Variants in PCGF5 observed in about 807,000 individuals in gnomAD.
The protein encoded by PCGF5 is polycomb group ring finger 5.
PCGF5 carries 9 observed loss-of-function variants against 44.3 expected under a neutral mutation model. The observed-to-expected ratio is 0.20, with a 90% CI of 0.12 to 0.35. The LOEUF is 0.35. PCGF5 is among the 10% of genes least tolerant of loss of function. The probability of loss-of-function intolerance (pLI) is 1.00; values close to 1 mark genes in which losing one functional copy is unlikely to be tolerated. For missense variants in PCGF5, 146 were observed against 305.3 expected (o/e 0.48, Z 3.89); for synonymous variants, 95 against 102.5 (o/e 0.93, Z 0.44).
upstream of PCGF5, among the ~76,000 whole-genome samples, chr10:91,219,090 C>G (rs577948058): frequency 5.3e-5 from 8 of 152,152 alleles, no homozygotes; most frequent in Non-Finnish European, 1.2e-4. Context: ...TGCTGCCTCT[C>G]CAGACACAAA....
intron 6 of PCGF5, among the ~76,000 whole-genome samples, chr10:91,258,399 A>G (rs1845811014): frequency 6.6e-6 from 1 of 152,130 alleles, no homozygotes; most frequent in Non-Finnish European, 1.5e-5. Context: ...TGGGACCAGA[A>G]GTTTTTTGGG....
At chr10:91,262,073 C>T (rs1439974364) in intron 7 of PCGF5, among the ~76,000 whole-genome samples, 1 of 152,190 alleles carries the variant, frequency 6.6e-6, no homozygotes, top group East Asian at 1.9e-4. Context: ...AAATGATGAT[C>T]TTTCAACTCA....
intron 3 of PCGF5, among the ~76,000 whole-genome samples, chr10:91,241,107 T>C (rs746813802): frequency 2.1e-4 from 32 of 151,354 alleles, no homozygotes; most frequent in Non-Finnish European, 4.0e-4. Context: ...GGAGTTTTAC[T>C]CTTGTTGCCC....
At chr10:91,258,525 G>A (rs1845814563) in intron 6 of PCGF5, among the ~76,000 whole-genome samples, 2 of 152,062 alleles carry the variant, frequency 1.3e-5, no homozygotes, top group Admixed American at 1.3e-4. Flanking sequence ...TCAGACTGGG[G>A]ATGATCAACC....
intron 9 of PCGF5, among the ~76,000 whole-genome samples, chr10:91,277,478 G>A (rs1846346385): frequency 6.6e-6 from 1 of 152,186 alleles, no homozygotes. Flanking sequence ...ATGGTACAGG[G>A]TAAAAACAAA....
chr10:91,246,735 A>G lies in PCGF5; in HGVS notation c.210-1770A>G, dbSNP rs757515605. ...AAAGAGAGAAGTTAAGATCATTCTC[A>G]TATTTTGAGCTGATTTGGAAAAATT... is the stretch of plus-strand genomic sequence containing the variant. On this transcript the variant is annotated intron_variant, in intron 3 of 9. Coordinates refer to ENST00000336126, the MANE Select transcript of PCGF5 (RefSeq NM_032373.5). 1.4e-3 allele frequency among the ~76,000 whole-genome samples: 220 copies of G among 152,092 alleles called. 5 individuals are homozygous for G. The highest frequency in any genetic ancestry group is 8.5e-4 in the Admixed American group (13 of 15,248).
At chr10:91,264,723 G>A (rs1394594457) in intron 8 of PCGF5, among the ~76,000 whole-genome samples, 1 of 152,102 alleles carries the variant, frequency 6.6e-6, no homozygotes, top group Non-Finnish European at 1.5e-5. Flanking sequence ...GATTGTATTA[G>A]ATTTAAAGTG....
At position 91,195,134 on chromosome 10, in the gene PCGF5, C is replaced by T. The variant is rs374791823; in HGVS notation, c.-183-27555C>T. 7.2e-5 allele frequency among the ~76,000 whole-genome samples: 11 copies of T among 151,922 alleles called. No individual in the cohort carries two copies. The East Asian group carries it at 1.5e-3, about 21-fold the overall frequency. On this transcript the variant is annotated intron_variant, in intron 1 of 9. Transcript: ENST00000614189. ...AGAGAAAAGATGAGAAATAGTCCAT[C>T]GGGAAATTGGGAGATTAGTAGAAGA... is the stretch of plus-strand genomic sequence containing the variant.
chr10:91,218,183 G>A (rs1055182323), upstream of PCGF5, among the ~76,000 whole-genome samples: 1 of 152,330 alleles, frequency 6.6e-6, no homozygotes, highest in South Asian at 2.1e-4. Context: ...CTTTGTTTTT[G>A]TCTTGGCTCT....
intron 1 of PCGF5, among the ~76,000 whole-genome samples, chr10:91,183,722 T>C (rs77724997): frequency 6.6e-6 from 1 of 152,334 alleles, no homozygotes; most frequent in South Asian, 2.1e-4. Flanking sequence ...CTTTGCCATA[T>C]GTAGTGTGTC....
intron 2 of PCGF5, 29 bp from the exon 3 acceptor site, chr10:91,240,455 T>C: frequency 1.3e-6 from 2 of 1,509,580 alleles, no homozygotes; most frequent in Non-Finnish European, 1.8e-6. Flanking sequence ...ATATGATGCG[T>C]TTTAACCTAA....
chr10:91,270,272 A>T (rs1292346727), intron 8 of PCGF5, among the ~76,000 whole-genome samples: 1 of 152,070 alleles, frequency 6.6e-6, no homozygotes, highest in Non-Finnish European at 1.5e-5. Flanking sequence ...CCAGTCCAGC[A>T]CCTAAAGTTA....
chr10:91,263,002 T>G (rs1845959537), intron 7 of PCGF5, among the ~76,000 whole-genome samples: 1 of 152,240 alleles, frequency 6.6e-6, no homozygotes, highest in African/African-American at 2.4e-5. Flanking sequence ...CTGGCATGTA[T>G]ATATTTCGCT....
At chr10:91,245,847 G>A (rs915375004) in intron 3 of PCGF5, among the ~76,000 whole-genome samples, 9 of 152,104 alleles carry the variant, frequency 5.9e-5, no homozygotes, top group Non-Finnish European at 1.0e-4. Flanking sequence ...GAGTTAGGGC[G>A]AGAAAAAAGC....
At chr10:91,249,371 GTATATATATATATATATATATATATATA>G (rs3074316) in intron 5 of PCGF5, among the ~76,000 whole-genome samples, 27 of 120,530 alleles carry the variant, frequency 2.2e-4, no homozygotes, top group South Asian at 1.4e-3. Context: ...GGCTTTTAGT[GTATATATATATATATATATATATATATA>G]TATATATATA....
In PCGF5 at chr10:91,251,333, G is replaced by C. The variant is rs373196380; in HGVS notation, c.367G>C (p.Gly123Arg). 61 of 1,610,434 alleles carry C rather than the reference G, an allele frequency of 3.8e-5. 1 individual carries two copies. In the Middle Eastern group the frequency reaches 5.0e-4, roughly 13 times the overall value. ...TGACAAACCGAAAGTAGATGAAGAA[G>C]GTGATGAAAATGAAGATGATAAAGA... ...KADKPKVDEEGDENEDDKDYH... is the reference protein window; with the variant it reads ...KADKPKVDEERDENEDDKDYH... The change falls in exon 6 of 10, where the codon GGT becomes CGT. Residue 123 changes from glycine to arginine, a missense_variant. By Grantham distance (125) the Gly-to-Arg change is moderately radical. Coordinates refer to ENST00000336126, the MANE Select transcript of PCGF5 (RefSeq NM_032373.5).
At chr10:91,174,546 T>C (rs903719893) in intron 1 of PCGF5, among the ~76,000 whole-genome samples, 1 of 152,230 alleles carries the variant, frequency 6.6e-6, no homozygotes, top group African/African-American at 2.4e-5. Context: ...GATTATAATC[T>C]ACTGTAATAA....
At chr10:91,177,230 G>A (rs1843723513) in intron 1 of PCGF5, among the ~76,000 whole-genome samples, 1 of 152,216 alleles carries the variant, frequency 6.6e-6, no homozygotes, top group Non-Finnish European at 1.5e-5. Context: ...GAATATTGGT[G>A]AACAGCAAAT....
At position 91,226,289 on chromosome 10, in the gene PCGF5, T is replaced by TAAAAAAAAAAAA. The variant is rs66465569; in HGVS notation, c.112+3320_112+3331dup. Among the ~76,000 whole-genome samples, 17 of 75,086 alleles carry TAAAAAAAAAAAA rather than the reference T, an allele frequency of 2.3e-4. 2 individuals are homozygous for TAAAAAAAAAAAA. The highest frequency in any genetic ancestry group is 3.5e-4 in the Admixed American group (2 of 5,658). 49.3% of individuals were successfully genotyped at this position (75,086 alleles called of 152,430 possible). On this transcript the variant is annotated intron_variant, in intron 2 of 9. Coordinates refer to ENST00000336126, the MANE Select transcript of PCGF5 (RefSeq NM_032373.5). ...GAAAGAGTAATCAAGTTAAGAAATGTAAAAAAAAAAAAAAAAAAAAAAAAA... is the reference window on the plus strand; with the variant it reads ...GAAAGAGTAATCAAGTTAAGAAATGTAAAAAAAAAAAAAAAAAAAAAAAAAAAAAAAAAAAAA...
Sources: allele counts gnomAD v4.1 joint callset (sites outside exome capture counted in the v4.1 genomes callset), GRCh38; gene constraint gnomAD v4.1.1; transcripts MANE v1.5; gene names NCBI Gene and HGNC (gene_info 2026-07-23, HGNC 2026-07-21).